COL12A1: variants seen among roughly 807,000 people sequenced by gnomAD.
The protein encoded by COL12A1 is collagen type XII alpha 1 chain.
COL12A1 carries 114 observed loss-of-function variants against 349.7 expected under a neutral mutation model. The ratio of observed to expected loss-of-function variants is 0.33; its 90% CI spans 0.28 to 0.38. The LOEUF (loss-of-function observed/expected upper bound fraction) is 0.38. Ranked by LOEUF, COL12A1 falls within the 10% of genes least tolerant of loss-of-function variation. The pLI is 1.00. For missense variants in COL12A1, 3,284 were observed against 3,756.9 expected, an observed-to-expected ratio of 0.87 and a Z score of 3.29; for synonymous variants, 1,369 against 1,329.0, an observed-to-expected ratio of 1.03 and a Z score of -0.66.
At chr6:75,118,837 A>G (rs1047001942) in intron 46 of COL12A1, among the ~76,000 whole-genome samples, 6 of 152,204 alleles carry the variant, frequency 3.9e-5, no homozygotes, top group Admixed American at 6.6e-5. Context: ...CCTGAACCAC[A>G]TCTTATACAA....
chr6:75,190,645 G>C (rs754180120), intron 5 of COL12A1, among the ~76,000 whole-genome samples: 1 of 151,798 alleles, frequency 6.6e-6, no homozygotes, highest in Non-Finnish European at 1.5e-5. Context: ...ATGAAAATCT[G>C]TATTTGTAAT....
intron 27 of COL12A1, among the ~76,000 whole-genome samples, chr6:75,141,534 G>A (rs1488186160): frequency 6.6e-6 from 1 of 152,178 alleles, no homozygotes; most frequent in African/African-American, 2.4e-5. Context: ...CACAATTTCA[G>A]TGCCACCTGA....
intron 31 of COL12A1, among the ~76,000 whole-genome samples, chr6:75,136,255 T>C (rs1444903475): frequency 1.3e-5 from 2 of 152,216 alleles, no homozygotes; most frequent in African/African-American, 4.8e-5. Flanking sequence ...TCCATCTAAT[T>C]TGTCTTATTT....
chr6:75,092,109 T>A (rs10755329), intron 60 of COL12A1, among the ~76,000 whole-genome samples: 126,828 of 152,146 alleles, frequency 0.83, 53,239 homozygotes, highest in Middle Eastern at 0.9. Context: ...ACAGAAAACC[T>A]AACACTGCAT....
In COL12A1 at chr6:75,145,329, T is replaced by C; in HGVS notation, c.4687A>G (p.Thr1563Ala). The change falls in exon 25 of 66, where the codon ACC becomes GCC. Residue 1563 changes from threonine (T) to alanine (A), a missense_variant. Thr to Ala is a moderately conservative substitution (Grantham distance 58, BLOSUM62 0). Transcript: ENST00000322507. ...TSEPVTVREV[T>A]LPLPRPQDLK... ...ATAAAACTAAGCAGTAGCTTACAGG[T>C]GACTTCCCGAACAGTGACAGGTTCA... 1 of 1,603,920 alleles carries C rather than the reference T, an allele frequency of 6.2e-7. No homozygotes were observed. Among genetic ancestry groups the C allele is most frequent in the African/African-American group, 1.3e-5 (1 of 74,870 alleles).
At chr6:75,197,543 C>T (rs1770295995) in intron 2 of COL12A1, among the ~76,000 whole-genome samples, 1 of 151,980 alleles carries the variant, frequency 6.6e-6, no homozygotes, top group African/African-American at 2.4e-5. Context: ...AAGTCCTGAC[C>T]TCAGGTGATC....
chr6:75,085,438 C>T lies in COL12A1; in HGVS notation c.*1109G>A, dbSNP rs1562078898. 4.6e-6 allele frequency: 2 copies of T among 434,856 alleles called. No individual in the cohort carries two copies. The highest frequency in any genetic ancestry group is 7.3e-5 in the East Asian group (1 of 13,780). 26.9% of individuals were successfully genotyped at this position (434,856 alleles called of 1,614,324 possible). On this transcript the variant is annotated 3_prime_UTR_variant, in exon 66 of 66. Coordinates refer to ENST00000322507, the MANE Select transcript of COL12A1 (RefSeq NM_004370.6). ...CACACACACACAGCAAAAGCTAAAT[C>T]ATCACCCGCGGTGATGGCACTCCAG...
rs74837122 is a variant in COL12A1, at chr6:75,184,477, C to A, written c.998-333G>T. Among the ~76,000 whole-genome samples the A allele has an allele frequency of 8.0e-3, 1,214 of 152,322 alleles. 50 individuals carry two copies. In the East Asian group the frequency reaches 0.13, roughly 16 times the overall value. On this transcript the variant is annotated intron_variant, in intron 8 of 65. Coordinates refer to ENST00000322507, the MANE Select transcript of COL12A1 (RefSeq NM_004370.6). ...TTCACTCATTGTCTTCATTCTCAAGCACCAAAGTAGGCACTTGATAAATAT... is the reference window on the plus strand; with the variant it reads ...TTCACTCATTGTCTTCATTCTCAAGAACCAAAGTAGGCACTTGATAAATAT...
Position 75,152,378 on chromosome 6 carries a change from G to C in COL12A1, c.3670C>G (p.Arg1224Gly). ...CCAATGTCAAAGACTTCCACAATAC[G>C]AGAAATGAAACTCCTCACGGTTCTA... ...NFRTVRSFIS[R>G]IVEVFDIGPK... Residue 1224 changes from arginine (R) to glycine (G), a missense_variant, in exon 18 of 66, where the codon CGT becomes GGT. Arg to Gly is a moderately radical substitution (Grantham distance 125, BLOSUM62 -2). Around this residue, in one of 2 missense-constraint regions of COL12A1, gnomAD observed 2,601 missense variants for 2,824.8 expected, o/e 0.92. Transcript: ENST00000322507. 6.2e-7 allele frequency: 1 copy of C among 1,613,554 alleles called. No individual in the cohort carries two copies. The highest frequency in any genetic ancestry group is 8.5e-7 in the Non-Finnish European group (1 of 1,179,712).
Position 75,087,508 on chromosome 6 carries a change from A to G in COL12A1, c.9181+69T>C, listed in dbSNP as rs767762945. ...TTCAAATCAGCCTTCCTTCAATCCT[A>G]AGGAACTTCATTTCCGTAAAGTTCT... On this transcript the variant is annotated intron_variant, in intron 65 of 65. Transcript: ENST00000322507. The G allele has an allele frequency of 3.9e-6, 6 of 1,530,222 alleles. No homozygotes were observed. In the South Asian group the frequency reaches 4.6e-5, roughly 12 times the overall value. 94.8% of individuals were successfully genotyped at this position (1,530,222 alleles called of 1,614,324 possible).
intron 12 of COL12A1, among the ~76,000 whole-genome samples, chr6:75,176,383 A>C (rs1768954117): frequency 7.3e-6 from 1 of 136,146 alleles, no homozygotes; most frequent in African/African-American, 2.8e-5. Context: ...TGGGAGAGTG[A>C]TGCAGTGGGA....
Position 75,175,111 on chromosome 6 carries a change from G to T in COL12A1, c.2637C>A (p.Tyr879Ter). Residue 879 changes from tyrosine (Y) to a stop codon, truncating the protein, a stop_gained, in exon 13 of 66, where the codon TAC becomes TAA. Transcript: ENST00000322507. LOFTEE classifies it high-confidence loss of function. ...CATACAAGGCTGTCACAGATAAGGCGTATTGTGTCCCTTCCTTCAATCCCT... is the reference window on the plus strand; with the variant it reads ...CATACAAGGCTGTCACAGATAAGGCTTATTGTGTCCCTTCCTTCAATCCCT... The part of the protein sequence containing the change: ...VLQGLKEGTQ[Y>*]ALSVTALYAS... The T allele has an allele frequency of 6.2e-7, 1 of 1,614,138 alleles. No individual in the cohort carries two copies. Among genetic ancestry groups the T allele is most frequent in the Non-Finnish European group, 8.5e-7 (1 of 1,180,030 alleles).
At position 75,124,011 on chromosome 6, in the gene COL12A1, C is replaced by G. The variant is rs1765882595; in HGVS notation, c.6808G>C (p.Val2270Leu). Residue 2270 changes from valine to leucine, a missense_variant, in exon 42 of 66, where the codon GTC (valine) becomes CTC (leucine). By Grantham distance (32) the Val-to-Leu change is conservative. Around this residue, in one of 2 missense-constraint regions of COL12A1, gnomAD observed 2,601 missense variants for 2,824.8 expected, o/e 0.92. Coordinates refer to ENST00000322507, the MANE Select transcript of COL12A1 (RefSeq NM_004370.6). ...TGLSPDTDYG[V>L]TVFVQTPNLE... ...TTTGGTGTCTGCACAAAAACAGTGA[C>G]ACCATAATCAGTGTCTGGTGAAAGG... 1 of 1,613,908 alleles carries G rather than the reference C, an allele frequency of 6.2e-7. No homozygotes were observed. Among genetic ancestry groups the G allele is most frequent in the Non-Finnish European group, 8.5e-7 (1 of 1,179,856 alleles).
intron 44 of COL12A1, among the ~76,000 whole-genome samples, chr6:75,120,089 G>C (rs1769280857): frequency 6.6e-6 from 1 of 151,986 alleles, no homozygotes; most frequent in Non-Finnish European, 1.5e-5. Flanking sequence ...TTGTTTTAAA[G>C]ACTAATAATC....
rs759291672 is a variant in COL12A1, at chr6:75,196,563, A to T, written c.74-1616T>A. Among the ~76,000 whole-genome samples the T allele has an allele frequency of 4.5e-4, 69 of 152,184 alleles. 1 individual carries two copies. Among genetic ancestry groups the T allele is most frequent in the South Asian group, 4.1e-4 (2 of 4,822 alleles). On this transcript the variant is annotated intron_variant, in intron 2 of 65. Transcript: ENST00000322507. ...CACAGGCAGTGAGATTAGACTATTAATCTACATGCATAGTTTAATTACTCA... is the reference window on the plus strand; with the variant it reads ...CACAGGCAGTGAGATTAGACTATTATTCTACATGCATAGTTTAATTACTCA...
chr6:75,150,195 T>A (rs1012451374), intron 21 of COL12A1, among the ~76,000 whole-genome samples: 1 of 152,140 alleles, frequency 6.6e-6, no homozygotes. Flanking sequence ...TAAATAAAAT[T>A]TTTCTCACAT....
chr6:75,204,194 C>T (rs1228104376), intron 1 of COL12A1, among the ~76,000 whole-genome samples: 2 of 152,174 alleles, frequency 1.3e-5, no homozygotes, highest in African/African-American at 4.8e-5. Flanking sequence ...ATTTCTAACC[C>T]TCTTCTACAT....
rs553802363 is a variant in COL12A1 at position 75,189,293 on chromosome 6, C to T, written c.747G>A (p.Thr249=). 8.7e-6 allele frequency: 14 copies of T among 1,613,074 alleles called. No individual in the cohort carries two copies. Among genetic ancestry groups the T allele is most frequent in the Admixed American group, 5.0e-5 (3 of 59,894 alleles). The part of the protein sequence containing the change: ...VGFPKVAIII[T]DGKSQDEVEI... The stretch of plus-strand genomic sequence containing the variant: ...CCACTTCATCCTGGGATTTTCCATC[C>T]GTAATAATAATTGCCACTTTAGGAA... Residue 249 remains threonine (T), a synonymous_variant, in exon 7 of 66, where the codon ACG becomes ACA. Transcript: ENST00000322507.
At chr6:75,179,901 A>G (rs1207045845) in intron 11 of COL12A1, among the ~76,000 whole-genome samples, 1 of 152,244 alleles carries the variant, frequency 6.6e-6, no homozygotes, top group African/African-American at 2.4e-5. Context: ...ATGTAAACAA[A>G]TACTGCTTAA....
Sources: allele counts gnomAD v4.1 joint callset (sites outside exome capture counted in the v4.1 genomes callset), GRCh38; gene constraint gnomAD v4.1.1; regional missense constraint gnomAD v4.1.1; transcripts MANE v1.5; gene names NCBI Gene and HGNC (gene_info 2026-07-23, HGNC 2026-07-21).